HYAL4: variants seen among roughly 807,000 people sequenced by gnomAD.
The protein encoded by HYAL4 is hyaluronidase-4.
A neutral mutation model predicts 35.2 loss-of-function variants in HYAL4; 37 were observed. That is an observed-to-expected ratio of 1.05 (90% confidence interval 0.81 to 1.38). The LOEUF (loss-of-function observed/expected upper bound fraction) is 1.38. Ranked by LOEUF, HYAL4 falls within the 40% of genes most tolerant of loss-of-function variation. The pLI, the probability that HYAL4 is intolerant of heterozygous loss-of-function variation, is 0.00. For synonymous variants in HYAL4, 198 were observed against 203.2 expected, an observed-to-expected ratio of 0.97 and a Z score of 0.22; for missense variants, 572 against 572.4, an observed-to-expected ratio of 1.00 and a Z score of 0.01.
chr7:123,777,174 C>T, the HYAL4 span, among the ~76,000 whole-genome samples: 8 of 152,048 alleles, frequency 5.3e-5, no homozygotes, highest in South Asian at 2.1e-4. Context: ...ATTATTTATT[C>T]TTGCTCTGTG....
At chr7:123,764,650 C>T in the HYAL4 span, among the ~76,000 whole-genome samples, 1 of 152,172 alleles carries the variant, frequency 6.6e-6, no homozygotes, top group African/African-American at 2.4e-5. Flanking sequence ...AAGAAACTTT[C>T]CTTGTAGCTC....
the HYAL4 span, among the ~76,000 whole-genome samples, chr7:123,799,189 C>T: frequency 6.6e-6 from 1 of 151,730 alleles, no homozygotes; most frequent in East Asian, 1.9e-4. Context: ...TTCTCTCTGA[C>T]GGATTCACAT....
chr7:123,875,764 A>G (rs543017446), intron 4 of HYAL4, among the ~76,000 whole-genome samples: 1 of 151,958 alleles, frequency 6.6e-6, no homozygotes, highest in East Asian at 1.9e-4. Flanking sequence ...CCCAATCCAC[A>G]TTAATCACAA....
At chr7:123,782,648 G>A in the HYAL4 span, among the ~76,000 whole-genome samples, 1 of 152,038 alleles carries the variant, frequency 6.6e-6, no homozygotes, top group Admixed American at 6.6e-5. Context: ...AAGTGTTTCA[G>A]TATGGACAGT....
the HYAL4 span, among the ~76,000 whole-genome samples, chr7:123,791,813 A>T: frequency 6.6e-6 from 1 of 152,208 alleles, no homozygotes; most frequent in African/African-American, 2.4e-5. Context: ...CAAATGTCTT[A>T]AAAAGATGCT....
the HYAL4 span, among the ~76,000 whole-genome samples, chr7:123,779,447 A>G: frequency 6.6e-6 from 1 of 152,162 alleles, no homozygotes; most frequent in East Asian, 1.9e-4. Context: ...TCCATAGAAC[A>G]TCTTTAATAA....
the HYAL4 span, among the ~76,000 whole-genome samples, chr7:123,796,276 C>T: frequency 1.3e-5 from 2 of 152,288 alleles, no homozygotes; most frequent in East Asian, 3.9e-4. Context: ...CTGGCCAAAC[C>T]TGAGACAATT....
upstream of HYAL4, among the ~76,000 whole-genome samples, chr7:123,844,845 G>A (rs1025907302): frequency 1.8e-4 from 27 of 152,182 alleles, no homozygotes; most frequent in African/African-American, 5.6e-4. Context: ...AGCCAGGCAC[G>A]GGAATCACCT....
the HYAL4 span, among the ~76,000 whole-genome samples, chr7:123,765,486 A>G: frequency 1.3e-5 from 2 of 152,166 alleles, no homozygotes; most frequent in African/African-American, 2.4e-5. Context: ...ATGAAAGGGA[A>G]TTTAAGGTCT....
At chr7:123,847,020 T>C (rs890693132) in intron 1 of HYAL4, among the ~76,000 whole-genome samples, 12 of 152,182 alleles carry the variant, frequency 7.9e-5, no homozygotes, top group Admixed American at 7.9e-4. Context: ...AGCATTCCGC[T>C]TCCTTCAGAT....
chr7:123,833,737 T>C (rs187397715), intron 1 of HYAL4, among the ~76,000 whole-genome samples: 3 of 152,260 alleles, frequency 2.0e-5, no homozygotes, highest in Admixed American at 1.3e-4. Flanking sequence ...AGTTCTTGAT[T>C]CTTCATCTTG....
chr7:123,843,127 T>C (rs1806101605), upstream of HYAL4, among the ~76,000 whole-genome samples: 1 of 152,086 alleles, frequency 6.6e-6, no homozygotes, highest in African/African-American at 2.4e-5. Flanking sequence ...GTTTTTGCAG[T>C]GGCTGGTGCC....
intron 1 of HYAL4, chr7:123,829,193 A>C (rs536371381): frequency 6.6e-6 from 1 of 152,644 alleles, no homozygotes; most frequent in East Asian, 1.9e-4. Flanking sequence ...GAAGACAATA[A>C]CAGACATGAA....
In HYAL4 at chr7:123,832,476, ATACTTTTTTTTT is replaced by A. The variant is rs1169221780; in HGVS notation, c.-257+3354_-257+3365del. On this transcript the variant is annotated intron_variant, in intron 1 of 4. Coordinates refer to the HYAL4 transcript ENST00000489978. ...CTGAGTCCCCAAAGTCTATTGTGTC[ATACTTTTTTTTT>A]TTTTTTTTTTTTTTTTTTTTTTTTT... 6.8e-4 allele frequency among the ~76,000 whole-genome samples: 40 copies of A among 58,436 alleles called. 2 individuals are homozygous for A. Among genetic ancestry groups the A allele is most frequent in the African/African-American group, 1.9e-3 (29 of 15,656 alleles). The allele number at this position is 58,436 out of a possible 152,430, so 38.3% of individuals were successfully genotyped here. A position where few individuals can be genotyped will look rare whatever the true frequency, so the allele number is the denominator to read the frequency against.
At chr7:123,787,606 C>T in the HYAL4 span, among the ~76,000 whole-genome samples, 1 of 152,174 alleles carries the variant, frequency 6.6e-6, no homozygotes, top group Non-Finnish European at 1.5e-5. Context: ...AGTCCCTACC[C>T]GCCTTAGGAA....
the HYAL4 span, among the ~76,000 whole-genome samples, chr7:123,800,077 C>G: frequency 2.0e-5 from 3 of 152,060 alleles, no homozygotes; most frequent in African/African-American, 7.2e-5. Flanking sequence ...GTGGAAGGAT[C>G]GCTTTAACTG....
At chr7:123,874,884 T>C in intron 4 of HYAL4, 34 bp downstream of exon 4, 1 of 1,216,666 alleles carries the variant, frequency 8.2e-7, no homozygotes, top group South Asian at 1.2e-5. Flanking sequence ...ATTTAATGTT[T>C]TCTATTAAAA....
At chr7:123,766,256 C>G in the HYAL4 span, among the ~76,000 whole-genome samples, 1 of 152,076 alleles carries the variant, frequency 6.6e-6, no homozygotes, top group Non-Finnish European at 1.5e-5. Flanking sequence ...AAGCCTTTTA[C>G]TTTTTCTCAT....
At chr7:123,848,240 T>C (rs573806353) in intron 2 of HYAL4, 82 bp downstream of exon 2, 1 of 152,684 alleles carries the variant, frequency 6.5e-6, no homozygotes, top group East Asian at 1.9e-4. Context: ...AAAGCCAATA[T>C]TAATTTCTTG....
Sources: gnomAD v4.1 joint callset for allele counts (sites outside exome capture counted in the v4.1 genomes callset) on GRCh38, gnomAD v4.1.1 for gene constraint, MANE v1.5 for transcripts, NCBI Gene and HGNC (gene_info 2026-07-23, HGNC 2026-07-21) for gene names.